The following CCDC126 variants were observed in gnomAD, a reference collection of about 807,000 sequenced individuals.
CCDC126 encodes the protein coiled-coil domain containing 126, also known as coiled-coil domain-containing protein 126.
A neutral mutation model predicts 11.7 loss-of-function variants in CCDC126; 5 were observed. The observed-to-expected ratio is 0.43, with a 90% CI of 0.22 to 0.90. CCDC126 has a LOEUF of 0.90. Among genes scored for constraint, CCDC126 ranks in the 40% least tolerant of loss-of-function variants. CCDC126 has a pLI of 0.27. For synonymous variants in CCDC126, 60 were observed against 61.9 expected (o/e 0.97, Z 0.14); for missense variants, 150 against 163.1 (o/e 0.92, Z 0.44).
chr7:23,622,500 C>T (rs755480451), intron 3 of CCDC126: 5 of 456,820 alleles, frequency 1.1e-5, no homozygotes, highest in Non-Finnish European at 1.8e-5. Context: ...TCCTTAAAAG[C>T]GAAACTGGAT....
In CCDC126 at chr7:23,639,223, G is replaced by T. The variant is rs201770752; in HGVS notation, c.239-3708G>T. Among the ~76,000 whole-genome samples, 14 of 139,122 alleles carry T rather than the reference G, an allele frequency of 1.0e-4. No individual in the cohort carries two copies. The East Asian group carries it at 2.9e-3, about 29-fold the overall frequency. 91.3% of individuals were successfully genotyped at this position (139,122 alleles called of 152,430 possible). ...TTTTTTTTTTTTGAGATGGAGTCTC[G>T]CTCTGTCACCCAGGCTGGAGTGCAG... On this transcript the variant is annotated intron_variant, in intron 3 of 3. Transcript: ENST00000307471.
rs111889114 is a variant in CCDC126 at position 23,611,070 on chromosome 7, C to T, written c.-145-101C>T. 35 of 288,308 alleles carry T rather than the reference C, an allele frequency of 1.2e-4. 2 individuals carry two copies. The highest frequency in any genetic ancestry group is 1.1e-3 in the Middle Eastern group (1 of 912). 17.9% of individuals were successfully genotyped at this position (288,308 alleles called of 1,614,324 possible). On this transcript the variant is annotated intron_variant, in intron 2 of 3. Transcript: ENST00000307471. ...GTGGAGAAAGTTGTCAAATATATGA[C>T]ACAGTTCCAAATAAAAATTATAGAA...
intron 3 of CCDC126, among the ~76,000 whole-genome samples, chr7:23,637,818 C>A (rs1783263404): frequency 9.0e-6 from 1 of 111,416 alleles, no homozygotes; most frequent in African/African-American, 3.1e-5. Context: ...GTCGGCCAGC[C>A]GCCCTGTCCG....
intron 3 of CCDC126, 122 bp downstream of exon 3, chr7:23,611,675 A>G (rs978841445): frequency 3.2e-5 from 22 of 688,520 alleles, no homozygotes; most frequent in Admixed American, 2.0e-4. Context: ...ACTTTTTATT[A>G]TGAAAATTTC....
At position 23,622,968 on chromosome 7, in the gene CCDC126, C is replaced by CTTTT. The variant is rs1228157804; in HGVS notation, c.238+11434_238+11437dup. The CTTTT allele has an allele frequency of 1.8e-3, 163 of 92,010 alleles. 4 individuals are homozygous for CTTTT. The highest frequency in any genetic ancestry group is 4.0e-3 in the African/African-American group (82 of 20,440). 5.7% of individuals were successfully genotyped at this position (92,010 alleles called of 1,614,324 possible). A position where few individuals can be genotyped will look rare whatever the true frequency, so the allele number is the denominator to read the frequency against. On this transcript the variant is annotated intron_variant, in intron 3 of 3. Transcript: ENST00000307471. ...CTGAGGATGGTTAAATATGCTCACT[C>CTTTT]TTTTTTTTTTTTTTTTTTTTTTGAG...
At position 23,599,508 on chromosome 7, in the gene CCDC126, G is replaced by T. The variant is rs922914826; in HGVS notation, c.-146+1457G>T. ...TATATGTATATATATAGGTTTTGTTGTTTTTTTTTTTTGAGACAGAGTCTT... is the reference window on the plus strand; with the variant it reads ...TATATGTATATATATAGGTTTTGTTTTTTTTTTTTTTTGAGACAGAGTCTT... On this transcript the variant is annotated intron_variant, in intron 2 of 3. Transcript: ENST00000307471. Among the ~76,000 whole-genome samples, 156 of 144,120 alleles carry T rather than the reference G, an allele frequency of 1.1e-3. 1 individual carries two copies. Among genetic ancestry groups the T allele is most frequent in the Middle Eastern group, 3.6e-3 (1 of 274 alleles). The allele number at this position is 144,120 out of a possible 152,430, so 94.5% of individuals were successfully genotyped here.
chr7:23,606,401 G>A (rs769230274), intron 2 of CCDC126, among the ~76,000 whole-genome samples: 3 of 152,062 alleles, frequency 2.0e-5, no homozygotes, highest in Non-Finnish European at 4.4e-5. Flanking sequence ...TAATGAGGTT[G>A]AGCATTTTTT....
In CCDC126 at chr7:23,644,271, C is replaced by T. The variant is rs1783420922; in HGVS notation, c.*1156C>T. ...AAAAGCTGTATATAGCACAGGGAAC[C>T]CTAATCTTGGGTAATTCTAGTATAA... On this transcript the variant is annotated 3_prime_UTR_variant, in exon 4 of 4. Transcript: ENST00000307471. The T allele has an allele frequency of 6.6e-6, 1 of 152,264 alleles. No individual in the cohort carries two copies. The highest frequency in any genetic ancestry group is 1.5e-5 in the Non-Finnish European group (1 of 67,900). 9.4% of individuals were successfully genotyped at this position (152,264 alleles called of 1,614,324 possible). A position where few individuals can be genotyped will look rare whatever the true frequency, so the allele number is the denominator to read the frequency against.
At chr7:23,628,994 G>A (rs1783060360) in intron 3 of CCDC126, among the ~76,000 whole-genome samples, 1 of 152,210 alleles carries the variant, frequency 6.6e-6, no homozygotes, top group African/African-American at 2.4e-5. Context: ...CCCTGCCAGA[G>A]TGGTGTTAGA....
chr7:23,611,229 T>A lies in CCDC126; in HGVS notation c.-87T>A, dbSNP rs1782704940. The A allele has an allele frequency of 2.5e-6, 2 of 802,978 alleles. No homozygotes were observed. Among genetic ancestry groups the A allele is most frequent in the Non-Finnish European group, 4.2e-6 (2 of 475,510 alleles). The allele number at this position is 802,978 out of a possible 1,614,324, so 49.7% of individuals were successfully genotyped here. A position where few individuals can be genotyped will look rare whatever the true frequency, so the allele number is the denominator to read the frequency against. On this transcript the variant is annotated 5_prime_UTR_variant, in exon 3 of 4. Coordinates refer to ENST00000307471, the MANE Select transcript of CCDC126 (RefSeq NM_138771.4). Reference sequence around the variant, plus strand: ...GAAGAATATACAATATTGAGGATATTTTTTTCTTTTTTTTTTCAAGTCTTG... The same window carrying A: ...GAAGAATATACAATATTGAGGATATATTTTTCTTTTTTTTTTCAAGTCTTG...
At chr7:23,639,019 G>T (rs1783303744) in intron 3 of CCDC126, among the ~76,000 whole-genome samples, 3 of 151,668 alleles carry the variant, frequency 2.0e-5, no homozygotes, top group Admixed American at 2.0e-4. Context: ...ATTATCTCCT[G>T]TTTACCAAAT....
At chr7:23,627,082 T>C (rs1783027435) in intron 3 of CCDC126, among the ~76,000 whole-genome samples, 1 of 152,204 alleles carries the variant, frequency 6.6e-6, no homozygotes, top group African/African-American at 2.4e-5. Context: ...CACTTTGCAG[T>C]TGGTGCATGG....
chr7:23,630,540 C>G (rs1783091973), intron 3 of CCDC126, among the ~76,000 whole-genome samples: 1 of 151,458 alleles, frequency 6.6e-6, no homozygotes, highest in East Asian at 1.9e-4. Flanking sequence ...GGTGTGGTGG[C>G]TCACACCTGT....
chr7:23,620,694 G>C (rs1203275312), intron 3 of CCDC126, among the ~76,000 whole-genome samples: 1 of 152,242 alleles, frequency 6.6e-6, no homozygotes, highest in Non-Finnish European at 1.5e-5. Flanking sequence ...TTTTCTTCTA[G>C]GGTTTTTATG....
chr7:23,624,513 T>G (rs1782978903), intron 3 of CCDC126, among the ~76,000 whole-genome samples: 1 of 152,240 alleles, frequency 6.6e-6, no homozygotes, highest in African/African-American at 2.4e-5. Flanking sequence ...ATTTGGTATA[T>G]ATCAGCATTT....
chr7:23,611,525 C>G lies in CCDC126; in HGVS notation c.210C>G (p.Val70=). 1 of 1,611,870 alleles carries G rather than the reference C, an allele frequency of 6.2e-7. No individual in the cohort carries two copies. Among genetic ancestry groups the G allele is most frequent in the Non-Finnish European group, 8.5e-7 (1 of 1,178,042 alleles). ...LAEENKNTVD[V]ENGASMAGYA... ...AGGAAAATAAGAACACAGTGGATGT[C>G]GAGAACGGTGCTTCTATGGCAGGAT... Residue 70 remains valine (V), a synonymous_variant, in exon 3 of 4, where the codon GTC becomes GTG. Coordinates refer to ENST00000307471, the MANE Select transcript of CCDC126 (RefSeq NM_138771.4).
intron 3 of CCDC126, among the ~76,000 whole-genome samples, chr7:23,635,459 T>C (rs1307289200): frequency 6.6e-6 from 1 of 152,250 alleles, no homozygotes; most frequent in Non-Finnish European, 1.5e-5. Context: ...CTTAAAGATG[T>C]CATCTCATGA....
intron 3 of CCDC126, among the ~76,000 whole-genome samples, chr7:23,640,453 C>T (rs747201256): frequency 4.6e-5 from 7 of 152,094 alleles, no homozygotes; most frequent in East Asian, 1.9e-4. Context: ...GCCGAGATCG[C>T]GCCATTGCAC....
chr7:23,616,986 G>A (rs540492269), intron 3 of CCDC126, among the ~76,000 whole-genome samples: 4 of 151,830 alleles, frequency 2.6e-5, no homozygotes, highest in Non-Finnish European at 4.4e-5. Context: ...TTTTTGAGAC[G>A]ATTTCCTTAG....
Sources: allele counts gnomAD v4.1 joint callset (sites outside exome capture counted in the v4.1 genomes callset), GRCh38; gene constraint gnomAD v4.1.1; transcripts MANE v1.5; gene names NCBI Gene and HGNC (gene_info 2026-07-23, HGNC 2026-07-21).